The following CCDC91 variants were observed in gnomAD, a reference collection of about 807,000 sequenced individuals.
CCDC91 encodes coiled-coil domain containing 91.
CCDC91 carries 48 observed loss-of-function variants against 63.2 expected under a neutral mutation model. The observed-to-expected ratio is 0.76, with a 90% CI of 0.60 to 0.97. CCDC91 has a LOEUF of 0.97. Ranked by LOEUF, CCDC91 falls within the 50% of genes least tolerant of loss-of-function variation. The pLI, the probability that CCDC91 is intolerant of heterozygous loss-of-function variation, is 0.00. For missense variants in CCDC91, 500 were observed against 494.6 expected (o/e 1.01, Z -0.10); for synonymous variants, 167 against 165.8 (o/e 1.01, Z -0.06).
chr12:28,284,556 G>C (rs545671634), intron 3 of CCDC91, among the ~76,000 whole-genome samples: 47 of 152,188 alleles, frequency 3.1e-4, no homozygotes, highest in African/African-American at 1.1e-3. Flanking sequence ...GGAAGGCTGA[G>C]GCAGGAGAAT....
In CCDC91 at chr12:28,445,422, G is replaced by A. The variant is rs1286895597; in HGVS notation, c.763-4739G>A. On this transcript the variant is annotated intron_variant, in intron 8 of 12. Coordinates refer to ENST00000536442, the MANE Select transcript of CCDC91 (RefSeq NM_018318.5). ...AAATAACTATGAAAGGAGATAACAGGTGTACAATTATCAACTAATTTAGCA... is the reference window on the plus strand; with the variant it reads ...AAATAACTATGAAAGGAGATAACAGATGTACAATTATCAACTAATTTAGCA... Among the ~76,000 whole-genome samples the A allele has an allele frequency of 2.0e-5, 3 of 152,114 alleles. No individual in the cohort carries two copies. The East Asian group carries it at 5.8e-4, about 29-fold the overall frequency.
At chr12:28,269,953 A>T (rs953162138) in intron 3 of CCDC91, among the ~76,000 whole-genome samples, 2 of 152,026 alleles carry the variant, frequency 1.3e-5, no homozygotes, top group African/African-American at 4.8e-5. Context: ...ACATGATTAT[A>T]TTGGCTTGCA....
chr12:28,292,543 T>TG (rs1440830477), intron 3 of CCDC91, among the ~76,000 whole-genome samples: 1 of 152,114 alleles, frequency 6.6e-6, no homozygotes, highest in East Asian at 1.9e-4. Context: ...GCTCAAATTT[T>TG]GCTTTTGAGT....
intron 3 of CCDC91, among the ~76,000 whole-genome samples, chr12:28,287,399 AG>A (rs1948980329): frequency 6.6e-6 from 1 of 152,162 alleles, no homozygotes; most frequent in South Asian, 2.1e-4. Flanking sequence ...AGTGTAAGGA[AG>A]GGGTCCAGTT....
intron 3 of CCDC91, among the ~76,000 whole-genome samples, chr12:28,266,826 A>G (rs924910479): frequency 2.0e-5 from 3 of 151,906 alleles, no homozygotes; most frequent in Non-Finnish European, 2.9e-5. Context: ...TATTTTTTCT[A>G]TAATATGAAG....
rs544971454 is a variant in CCDC91 at position 28,357,913 on chromosome 12, G to C, written c.577-4525G>C. On this transcript the variant is annotated intron_variant, in intron 6 of 12. Coordinates refer to ENST00000536442, the MANE Select transcript of CCDC91 (RefSeq NM_018318.5). ...GAAAGTTATTATTGTGGTCAAATTT[G>C]GCTTGACTCCTTTAAAGATAGGCTG... 2.0e-5 allele frequency among the ~76,000 whole-genome samples: 3 copies of C among 152,216 alleles called. No homozygotes were observed. In the South Asian group the frequency reaches 6.2e-4, roughly 32 times the overall value.
intron 8 of CCDC91, among the ~76,000 whole-genome samples, chr12:28,418,671 G>A (rs750577481): frequency 5.9e-5 from 9 of 152,098 alleles, no homozygotes; most frequent in Non-Finnish European, 1.2e-4. Context: ...TTTTTAAGAT[G>A]TGATATTTCA....
chr12:28,512,379 T>C (rs1227331353), intron 12 of CCDC91, among the ~76,000 whole-genome samples: 1 of 151,828 alleles, frequency 6.6e-6, no homozygotes, highest in Non-Finnish European at 1.5e-5. Context: ...CATTCCAATT[T>C]TCCTGTTTTC....
intron 1 of CCDC91, among the ~76,000 whole-genome samples, chr12:28,254,154 T>C (rs1466627344): frequency 1.3e-5 from 2 of 152,208 alleles, no homozygotes; most frequent in Admixed American, 6.5e-5. Flanking sequence ...AGGGAATTAA[T>C]ACAATAAGGC....
At chr12:28,291,059 T>G (rs1949218815) in intron 3 of CCDC91, among the ~76,000 whole-genome samples, 1 of 152,176 alleles carries the variant, frequency 6.6e-6, no homozygotes, top group South Asian at 2.1e-4. Flanking sequence ...ACCATGAATT[T>G]TAAATCATTA....
intron 8 of CCDC91, among the ~76,000 whole-genome samples, chr12:28,417,115 T>C (rs1947710385): frequency 6.6e-6 from 1 of 152,178 alleles, no homozygotes; most frequent in South Asian, 2.1e-4. Flanking sequence ...TTCTAGATTT[T>C]GGGCCTGAAA....
chr12:28,207,823 CT>C (rs1045693307), intron 1 of CCDC91, among the ~76,000 whole-genome samples: 56 of 152,132 alleles, frequency 3.7e-4, no homozygotes, highest in African/African-American at 1.2e-3. Context: ...GGCAGCTGTT[CT>C]GGTTTTTCAT....
chr12:28,521,469 G>T (rs564526009), intron 12 of CCDC91, among the ~76,000 whole-genome samples: 6 of 152,150 alleles, frequency 3.9e-5, no homozygotes, highest in Non-Finnish European at 7.4e-5. Context: ...AAGGAGATTT[G>T]GGGCTGAGAC....
chr12:28,465,597 A>G (rs1025383961), intron 11 of CCDC91, among the ~76,000 whole-genome samples: 4 of 152,214 alleles, frequency 2.6e-5, no homozygotes, highest in Non-Finnish European at 5.9e-5. Flanking sequence ...ATGAGTCTAC[A>G]AGAACCACAG....
intron 3 of CCDC91, among the ~76,000 whole-genome samples, chr12:28,275,350 C>T (rs1291738113): frequency 1.3e-5 from 2 of 152,128 alleles, no homozygotes. Flanking sequence ...CACCTCTATG[C>T]AAATAAACTA....
intron 3 of CCDC91, among the ~76,000 whole-genome samples, chr12:28,290,014 T>C (rs971846206): frequency 6.6e-6 from 1 of 152,102 alleles, no homozygotes; most frequent in African/African-American, 2.4e-5. Flanking sequence ...TCTGTAGTTG[T>C]CTTATCAGGT....
chr12:28,253,799 C>T (rs1272186312), intron 1 of CCDC91, among the ~76,000 whole-genome samples: 2 of 152,198 alleles, frequency 1.3e-5, no homozygotes, highest in African/African-American at 4.8e-5. Flanking sequence ...TCTGTCAGAT[C>T]TGTTGAAATC....
intron 3 of CCDC91, among the ~76,000 whole-genome samples, chr12:28,304,217 A>G (rs1262431108): frequency 1.3e-5 from 2 of 151,518 alleles, no homozygotes; most frequent in East Asian, 3.9e-4. Context: ...TCTCTACTAA[A>G]AATACAAAAA....
chr12:28,396,394 G>A (rs994510489), intron 8 of CCDC91, among the ~76,000 whole-genome samples: 1 of 152,136 alleles, frequency 6.6e-6, no homozygotes, highest in African/African-American at 2.4e-5. Context: ...AGTGACATTT[G>A]TTCAGATTTG....
Sources: gnomAD v4.1 joint callset for allele counts (sites outside exome capture counted in the v4.1 genomes callset) on GRCh38, gnomAD v4.1.1 for gene constraint, MANE v1.5 for transcripts, NCBI Gene and HGNC (gene_info 2026-07-23, HGNC 2026-07-21) for gene names.